Variants in PAFAH1B1 observed in about 807,000 individuals in gnomAD.
PAFAH1B1 encodes the protein platelet-activating factor acetylhydrolase IB subunit beta.
PAFAH1B1 carries 2 observed loss-of-function variants against 57.5 expected under a neutral mutation model. The ratio of observed to expected loss-of-function variants is 0.03; its 90% confidence interval spans 0.01 to 0.11. The LOEUF is 0.11. Among genes scored for constraint, PAFAH1B1 ranks in the 10% least tolerant of loss-of-function variants. The pLI, the probability that PAFAH1B1 is intolerant of heterozygous loss-of-function variation, is 1.00. For synonymous variants in PAFAH1B1, 152 were observed against 169.6 expected, an observed-to-expected ratio of 0.90 and a Z score of 0.81; for missense variants, 257 against 512.0, an observed-to-expected ratio of 0.50 and a Z score of 4.81.
chr17:2,647,281 G>A lies in PAFAH1B1; in HGVS notation c.32+8961G>A, dbSNP rs553296154. On this transcript the variant is annotated intron_variant, in intron 2 of 10. Transcript: ENST00000397195. ...AGGTGCGAGCTGAGGCACGAGAATT[G>A]CTTGAACCCTTGAGGTGGAGGTTGC... is the stretch of plus-strand genomic sequence containing the variant. Among the ~76,000 whole-genome samples the A allele has an allele frequency of 5.3e-5, 8 of 152,270 alleles. No individual in the cohort carries two copies. The South Asian group carries it at 1.7e-3, about 32-fold the overall frequency.
At chr17:2,677,287 C>T (rs566541628) in intron 9 of PAFAH1B1, among the ~76,000 whole-genome samples, 1 of 152,128 alleles carries the variant, frequency 6.6e-6, no homozygotes, top group Non-Finnish European at 1.5e-5. Flanking sequence ...ACTGTTATAC[C>T]TCCTTGCTCA....
chr17:2,600,057 G>GCAA (rs1323414619), intron 1 of PAFAH1B1, among the ~76,000 whole-genome samples: 8 of 132,446 alleles, frequency 6.0e-5, no homozygotes, highest in African/African-American at 2.1e-4. Flanking sequence ...TCAGCTCACT[G>GCAA]CAACCTCCAC....
At position 2,676,403 on chromosome 17, in the gene PAFAH1B1, A is replaced by G. The variant is rs373844357; in HGVS notation, c.901-102A>G. ...AAAACAAACAAAAAACCAAAATGCAACAAAAAAATTGGAAATATATATCAT... is the reference window on the plus strand; with the variant it reads ...AAAACAAACAAAAAACCAAAATGCAGCAAAAAAATTGGAAATATATATCAT... On this transcript the variant is annotated intron_variant, in intron 8 of 10. Coordinates refer to ENST00000397195, the MANE Select transcript of PAFAH1B1 (RefSeq NM_000430.4). 1.0e-5 allele frequency: 8 copies of G among 799,948 alleles called. No homozygotes were observed. The East Asian group carries it at 1.1e-4, about 11-fold the overall frequency. 49.6% of individuals were successfully genotyped at this position (799,948 alleles called of 1,614,324 possible).
rs2069415870 is a variant in PAFAH1B1, at chr17:2,683,375, A to G, written c.*1573A>G. ...ATGAGATAACAGTGACAGTTTAACAAAGATAAAATTCTGAACTGCGTTTTA... is the reference window on the plus strand; with the variant it reads ...ATGAGATAACAGTGACAGTTTAACAGAGATAAAATTCTGAACTGCGTTTTA... On this transcript the variant is annotated 3_prime_UTR_variant, in exon 11 of 11. Transcript: ENST00000397195. 6.6e-6 allele frequency: 1 copy of G among 152,240 alleles called. No homozygotes were observed. 9.4% of individuals were successfully genotyped at this position (152,240 alleles called of 1,614,324 possible).
At position 2,599,433 on chromosome 17, in the gene PAFAH1B1, A is replaced by G. The variant is rs555406312; in HGVS notation, c.-191+5427A>G. The stretch of plus-strand genomic sequence containing the variant: ...GCATCATTTAAATTGGCATTTATTA[A>G]CATATGGTCTTGTATTGTTGACTGC... On this transcript the variant is annotated intron_variant, in intron 1 of 10. Coordinates refer to ENST00000397195, the MANE Select transcript of PAFAH1B1 (RefSeq NM_000430.4). Among the ~76,000 whole-genome samples the G allele has an allele frequency of 4.6e-5, 7 of 152,280 alleles. No homozygotes were observed. In the East Asian group the frequency reaches 1.3e-3, roughly 29 times the overall value.
chr17:2,667,585 G>A (rs1323174208), intron 5 of PAFAH1B1: 2 of 244,822 alleles, frequency 8.2e-6, no homozygotes, highest in African/African-American at 4.6e-5. Context: ...AACAATTTTT[G>A]TTCTTGGAGA....
intron 1 of PAFAH1B1, among the ~76,000 whole-genome samples, chr17:2,634,009 A>G (rs922319300): frequency 6.8e-6 from 1 of 147,102 alleles, no homozygotes; most frequent in Non-Finnish European, 1.5e-5. Context: ...TTCAGAACTA[A>G]CTTGTTTGTT....
intron 2 of PAFAH1B1, among the ~76,000 whole-genome samples, chr17:2,652,332 G>T (rs530040463): frequency 1.4e-4 from 22 of 152,246 alleles, no homozygotes; most frequent in South Asian, 6.2e-4. Context: ...GGAGAATGGC[G>T]TGAACCCGGG....
intron 1 of PAFAH1B1, among the ~76,000 whole-genome samples, chr17:2,620,925 C>G (rs924894194): frequency 2.6e-5 from 4 of 152,048 alleles, no homozygotes; most frequent in Non-Finnish European, 4.4e-5. Flanking sequence ...AAATTGTAGG[C>G]AAAACATCTT....
intron 1 of PAFAH1B1, among the ~76,000 whole-genome samples, chr17:2,622,416 A>C (rs1597526796): frequency 6.6e-6 from 1 of 152,202 alleles, no homozygotes; most frequent in African/African-American, 2.4e-5. Flanking sequence ...AAATGGGAGA[A>C]ATTGGCTAAA....
intron 6 of PAFAH1B1, among the ~76,000 whole-genome samples, chr17:2,670,974 A>C (rs1459532164): frequency 6.6e-6 from 1 of 152,228 alleles, no homozygotes; most frequent in African/African-American, 2.4e-5. Flanking sequence ...ATCTTGGTGT[A>C]GTACCTGCCA....
At chr17:2,646,923 C>T (rs544558272) in intron 2 of PAFAH1B1, among the ~76,000 whole-genome samples, 11 of 152,232 alleles carry the variant, frequency 7.2e-5, no homozygotes, top group African/African-American at 1.9e-4. Context: ...ATAAGGTGGG[C>T]ACCACCTTCG....
At chr17:2,614,689 C>T (rs896609633) in intron 1 of PAFAH1B1, among the ~76,000 whole-genome samples, 2 of 152,172 alleles carry the variant, frequency 1.3e-5, no homozygotes, top group African/African-American at 4.8e-5. Flanking sequence ...ATCCTCCCAC[C>T]TTAGCCTCCT....
chr17:2,633,960 CCTT>C (rs1403906068), intron 1 of PAFAH1B1, among the ~76,000 whole-genome samples: 1 of 124,598 alleles, frequency 8.0e-6, no homozygotes, highest in Non-Finnish European at 1.6e-5. Flanking sequence ...AAGTACCAAA[CCTT>C]TTTTTTTTTT....
intron 1 of PAFAH1B1, among the ~76,000 whole-genome samples, chr17:2,606,446 A>G (rs764656318): frequency 6.6e-6 from 1 of 151,980 alleles, no homozygotes. Flanking sequence ...GCTCACTGCA[A>G]CCTCTGCTTC....
chr17:2,636,261 G>A (rs1015357874), intron 1 of PAFAH1B1, among the ~76,000 whole-genome samples: 1 of 152,204 alleles, frequency 6.6e-6, no homozygotes, highest in Non-Finnish European at 1.5e-5. Context: ...TTTAGATGGA[G>A]TGATAGTGAT....
chr17:2,613,554 C>T, intron 1 of PAFAH1B1: 1 of 269,526 alleles, frequency 3.7e-6, no homozygotes, highest in Non-Finnish European at 7.5e-6. Flanking sequence ...AGGGCAGGCC[C>T]CAGCTTCAAC....
chr17:2,602,978 G>A (rs2068162441), intron 1 of PAFAH1B1, among the ~76,000 whole-genome samples: 1 of 152,088 alleles, frequency 6.6e-6, no homozygotes, highest in African/African-American at 2.4e-5. Flanking sequence ...AACACAGTTT[G>A]CTAGGTCTTC....
chr17:2,600,054 A>G (rs955502165), intron 1 of PAFAH1B1, among the ~76,000 whole-genome samples: 4 of 133,480 alleles, frequency 3.0e-5, no homozygotes, highest in African/African-American at 1.2e-4. Flanking sequence ...ATCTCAGCTC[A>G]CTGCAACCTC....
Sources: allele counts gnomAD v4.1 joint callset (sites outside exome capture counted in the v4.1 genomes callset), GRCh38; gene constraint gnomAD v4.1.1; transcripts MANE v1.5; gene names NCBI Gene and HGNC (gene_info 2026-07-23, HGNC 2026-07-21).